NXNL2: variants seen among roughly 807,000 people sequenced by gnomAD.
NXNL2 encodes nucleoredoxin like 2, also known as nucleoredoxin-like protein 2.
NXNL2 carries 7 observed loss-of-function variants against 11.1 expected under a neutral mutation model. The ratio of observed to expected loss-of-function variants is 0.63; its 90% CI spans 0.36 to 1.18. The LOEUF is 1.18. Among genes scored for constraint, NXNL2 ranks in the 50% most tolerant of loss-of-function variants. The probability of loss-of-function intolerance (pLI) is 0.02; values close to 1 mark genes in which losing one functional copy is unlikely to be tolerated. For missense variants in NXNL2, 233 were observed against 217.7 expected (o/e 1.07, Z -0.44); for synonymous variants, 109 against 101.8 (o/e 1.07, Z -0.42).
chr9:88,556,043 C>G (rs1431970671), intron 1 of NXNL2, among the ~76,000 whole-genome samples: 2 of 152,168 alleles, frequency 1.3e-5, no homozygotes, highest in Non-Finnish European at 2.9e-5. Context: ...ACAGTGGCTC[C>G]CAGAAACTCG....
intron 2 of NXNL2, among the ~76,000 whole-genome samples, chr9:88,572,150 C>T (rs1412607390): frequency 1.3e-5 from 2 of 151,106 alleles, no homozygotes; most frequent in Admixed American, 6.6e-5. Flanking sequence ...CCCCAAGTTC[C>T]GTTATAATAG....
chr9:88,548,587 C>T (rs1223528349), downstream of NXNL2, among the ~76,000 whole-genome samples: 2 of 146,040 alleles, frequency 1.4e-5, no homozygotes, highest in Middle Eastern at 3.4e-3. Context: ...ACTCAGGAGG[C>T]TGAGGTGGGA....
chr9:88,552,473 GTTTTT>G (rs59133640), intron 1 of NXNL2, among the ~76,000 whole-genome samples: 1 of 131,564 alleles, frequency 7.6e-6, no homozygotes, highest in Non-Finnish European at 1.6e-5. Context: ...AAACATGCAT[GTTTTT>G]TTTTTTTTTT....
exon 3 of NXNL2, chr9:88,575,147 C>G: frequency 1.0e-6 from 1 of 985,286 alleles, no homozygotes; most frequent in Non-Finnish European, 1.2e-6. Context: ...TCCGAGAGTG[C>G]AGCTGTTCTC....
chr9:88,546,174 TGTGA>T (rs201534310), downstream of NXNL2, among the ~76,000 whole-genome samples: 2 of 151,812 alleles, frequency 1.3e-5, no homozygotes, highest in African/African-American at 4.8e-5. Flanking sequence ...TGTGTGTGTG[TGTGA>T]GAACCACAAC....
chr9:88,578,789 TC>T (rs967024306), downstream of NXNL2, among the ~76,000 whole-genome samples: 3 of 152,246 alleles, frequency 2.0e-5, no homozygotes, highest in African/African-American at 7.2e-5. Context: ...TCAGACATTG[TC>T]CACAGGCCTT....
intron 1 of NXNL2, among the ~76,000 whole-genome samples, chr9:88,542,535 A>G (rs1175421818): frequency 1.3e-5 from 2 of 151,818 alleles, no homozygotes; most frequent in Non-Finnish European, 2.9e-5. Context: ...TGATCTGCCC[A>G]CCTCAGCCTC....
At chr9:88,546,320 G>T (rs7856755), downstream of NXNL2, among the ~76,000 whole-genome samples, 18,322 of 152,004 alleles carry the variant, frequency 0.12, 3,630 homozygotes, top group African/African-American at 0.41. Context: ...GGTCCACCTC[G>T]GCTGGGCTGG....
At chr9:88,560,044 T>A (rs1587850403) in intron 1 of NXNL2, among the ~76,000 whole-genome samples, 1 of 151,844 alleles carries the variant, frequency 6.6e-6, no homozygotes, top group African/African-American at 2.4e-5. Context: ...TGGAAGGAGG[T>A]CTGTAGTTTT....
At chr9:88,565,928 A>T (rs1830163916) in intron 1 of NXNL2, among the ~76,000 whole-genome samples, 2 of 152,284 alleles carry the variant, frequency 1.3e-5, no homozygotes, top group South Asian at 4.1e-4. Flanking sequence ...TTCCCTGATA[A>T]TTAGTGATGT....
chr9:88,543,079 G>A (rs981857843), intron 1 of NXNL2, among the ~76,000 whole-genome samples: 3 of 152,182 alleles, frequency 2.0e-5, no homozygotes, highest in East Asian at 1.9e-4. Context: ...GCAGATGCTC[G>A]TTTCCCTAAA....
At chr9:88,552,685 G>A (rs926103266) in intron 1 of NXNL2, among the ~76,000 whole-genome samples, 4 of 151,962 alleles carry the variant, frequency 2.6e-5, no homozygotes, top group Admixed American at 2.6e-4. Context: ...TAGCCAGGAT[G>A]GTCTCAATCT....
At chr9:88,544,220 G>A (rs955951234) in intron 1 of NXNL2, among the ~76,000 whole-genome samples, 159 bp from the exon 2 acceptor site, 2 of 152,058 alleles carry the variant, frequency 1.3e-5, no homozygotes, top group East Asian at 1.9e-4. Context: ...AAGAAGAAAG[G>A]AGCCCCCACC....
At chr9:88,541,295 C>G (rs1424701912) in intron 1 of NXNL2, among the ~76,000 whole-genome samples, 1 of 151,728 alleles carries the variant, frequency 6.6e-6, no homozygotes, top group South Asian at 2.1e-4. Context: ...GGGTCTTGCA[C>G]CGTCATCCAG....
chr9:88,546,445 A>T (rs1387426118), downstream of NXNL2, among the ~76,000 whole-genome samples: 2 of 129,204 alleles, frequency 1.5e-5, no homozygotes, highest in Non-Finnish European at 3.1e-5. Flanking sequence ...TCTGAGACAG[A>T]GTCTCTGTCT....
At position 88,535,208 on chromosome 9, in the gene NXNL2, T is replaced by C. The variant is rs1257974059; in HGVS notation, c.-227T>C. ...CGGGTGCCGCGCTGTCGCCCAGGTA[T>C]CTGGGGTCTCTGGTGTCTGAGTGTC... On this transcript the variant is annotated 5_prime_UTR_variant, in exon 1 of 2. Coordinates refer to ENST00000375854, the MANE Select transcript of NXNL2 (RefSeq NM_001161625.2). 1 of 542,028 alleles carries C rather than the reference T, an allele frequency of 1.8e-6. No individual in the cohort carries two copies. Among genetic ancestry groups the C allele is most frequent in the African/African-American group, 2.0e-5 (1 of 49,594 alleles). The allele number at this position is 542,028 out of a possible 1,614,324, so 33.6% of individuals were successfully genotyped here.
chr9:88,554,882 A>G (rs1369975580), intron 1 of NXNL2, among the ~76,000 whole-genome samples: 1 of 152,216 alleles, frequency 6.6e-6, no homozygotes, highest in Non-Finnish European at 1.5e-5. Flanking sequence ...GTCACGTAGC[A>G]TGTTGTTTGC....
Position 88,535,831 on chromosome 9 carries a change from G to GCCC in NXNL2, c.302+102_302+104dup, listed in dbSNP as rs150222723. On this transcript the variant is annotated intron_variant, in intron 1 of 1. Transcript: ENST00000375854. The stretch of plus-strand genomic sequence containing the variant: ...TCTGCACTGGGGAGCTCTTTATGAC[G>GCCC]CCCCCCCCCAACACCTCCCCGTCTC... 62 of 884,838 alleles carry GCCC rather than the reference G, an allele frequency of 7.0e-5. No individual in the cohort carries two copies. In the African/African-American group the frequency reaches 8.3e-4, roughly 12 times the overall value. The allele number at this position is 884,838 out of a possible 1,614,324, so 54.8% of individuals were successfully genotyped here.
Position 88,554,740 on chromosome 9 carries a change from C to T in NXNL2, c.303-16347C>T, listed in dbSNP as rs1044593750. On this transcript the variant is annotated intron_variant, in intron 1 of 2. Coordinates refer to the NXNL2 transcript ENST00000375855. ...GCAACAAGTGTTTTTGGCAGGTTAC[C>T]GTCTCGTTTACATATCTCACCTGAA... 3.9e-5 allele frequency among the ~76,000 whole-genome samples: 6 copies of T among 152,244 alleles called. No homozygotes were observed. In the East Asian group the frequency reaches 9.7e-4, roughly 25 times the overall value.
Sources: gnomAD v4.1 joint callset for allele counts (sites outside exome capture counted in the v4.1 genomes callset) on GRCh38, gnomAD v4.1.1 for gene constraint, MANE v1.5 for transcripts, NCBI Gene and HGNC (gene_info 2026-07-23, HGNC 2026-07-21) for gene names.